The following CDH18 variants were observed in gnomAD, a reference collection of about 807,000 sequenced individuals.
CDH18 encodes the protein cadherin 18.
In CDH18, 31 loss-of-function variants were observed where a neutral mutation model predicts 67.9. That is an observed-to-expected ratio of 0.46 (90% CI 0.34 to 0.62). The LOEUF (loss-of-function observed/expected upper bound fraction) is 0.62, where lower values mean the gene tolerates loss of function less well. Ranked by LOEUF, CDH18 falls within the 20% of genes least tolerant of loss-of-function variation. The pLI, the probability that CDH18 is intolerant of heterozygous loss-of-function variation, is 0.01. For missense variants in CDH18, 890 were observed against 975.5 expected (o/e 0.91, Z 1.17); for synonymous variants, 362 against 347.2 (o/e 1.04, Z -0.48).
At chr5:20,550,673 T>G (rs1421690404) in intron 1 of CDH18, among the ~76,000 whole-genome samples, 2 of 152,224 alleles carry the variant, frequency 1.3e-5, no homozygotes, top group Non-Finnish European at 2.9e-5. Flanking sequence ...GGTTTAGGTT[T>G]AATAAATGTA....
intron 2 of CDH18, among the ~76,000 whole-genome samples, chr5:20,128,822 T>C (rs954990465): frequency 6.6e-6 from 1 of 151,560 alleles, no homozygotes; most frequent in African/African-American, 2.4e-5. Flanking sequence ...ATTTTAAGGA[T>C]TGATAGGACA....
At chr5:19,558,632 G>A (rs1425133871) in intron 8 of CDH18, among the ~76,000 whole-genome samples, 1 of 151,732 alleles carries the variant, frequency 6.6e-6, no homozygotes, top group Non-Finnish European at 1.5e-5. Flanking sequence ...ATAACAAGCA[G>A]TGAGATTGAC....
At chr5:20,325,447 G>C (rs1038005050) in intron 1 of CDH18, among the ~76,000 whole-genome samples, 1 of 152,070 alleles carries the variant, frequency 6.6e-6, no homozygotes, top group African/African-American at 2.4e-5. Context: ...TAATTCAATG[G>C]AATGGCAAAA....
At chr5:20,356,448 A>G (rs954090045) in intron 1 of CDH18, among the ~76,000 whole-genome samples, 2 of 152,180 alleles carry the variant, frequency 1.3e-5, no homozygotes, top group African/African-American at 4.8e-5. Flanking sequence ...TCAAATGCAC[A>G]TGGAAGAAAA....
intron 9 of CDH18, among the ~76,000 whole-genome samples, chr5:19,538,573 C>G (rs1044052711): frequency 1.3e-5 from 2 of 152,000 alleles, no homozygotes; most frequent in Admixed American, 6.6e-5. Context: ...AAATAAATAA[C>G]AAAATAAACG....
intron 2 of CDH18, among the ~76,000 whole-genome samples, chr5:19,880,303 C>T (rs1022490749): frequency 1.3e-5 from 2 of 151,992 alleles, no homozygotes; most frequent in African/African-American, 2.4e-5. Flanking sequence ...TATTAAATTA[C>T]ATTTTATTTA....
At chr5:20,107,546 G>A (rs1392691235) in intron 2 of CDH18, among the ~76,000 whole-genome samples, 1 of 152,048 alleles carries the variant, frequency 6.6e-6, no homozygotes, top group Non-Finnish European at 1.5e-5. Flanking sequence ...AAATTTTCTA[G>A]AGCTGCCATA....
At chr5:20,443,027 G>T (rs1041088950) in intron 1 of CDH18, among the ~76,000 whole-genome samples, 2 of 150,642 alleles carry the variant, frequency 1.3e-5, no homozygotes, top group Admixed American at 1.3e-4. Context: ...GGCTAAAACG[G>T]TGAAACCCCG....
intron 10 of CDH18, among the ~76,000 whole-genome samples, chr5:19,517,007 G>T (rs1460671067): frequency 6.6e-6 from 1 of 152,012 alleles, no homozygotes; most frequent in South Asian, 2.1e-4. Flanking sequence ...CAAAAATGCA[G>T]TTCTGAATTT....
chr5:20,250,431 T>C (rs938565386), intron 2 of CDH18, among the ~76,000 whole-genome samples: 1 of 151,820 alleles, frequency 6.6e-6, no homozygotes, highest in African/African-American at 2.4e-5. Context: ...TAGCTGGGAC[T>C]GCAGGCGCCC....
intron 4 of CDH18, among the ~76,000 whole-genome samples, chr5:19,741,183 C>A (rs36171443): frequency 0.67 from 98,239 of 146,250 alleles, 37,849 homozygotes; most frequent in Non-Finnish European, 0.85. Context: ...GTATATATGT[C>A]ATCTATGTAT....
At chr5:20,485,779 C>T (rs932884601) in intron 1 of CDH18, among the ~76,000 whole-genome samples, 18 of 151,956 alleles carry the variant, frequency 1.2e-4, no homozygotes, top group African/African-American at 4.1e-4. Context: ...ATTTTGGCAA[C>T]AAAAATGGGA....
chr5:20,316,597 T>C (rs1356386247), intron 1 of CDH18, among the ~76,000 whole-genome samples: 2 of 152,076 alleles, frequency 1.3e-5, no homozygotes, highest in Admixed American at 6.6e-5. Context: ...TATGGCTTTG[T>C]AATGAGATAA....
In CDH18 at chr5:19,471,827, T is replaced by C. The variant is rs1475355151; in HGVS notation, c.*1399A>G. ...GTGATAATATTTTATGCCAGATGCA[T>C]GTAAATATATATTTATAAGCTAATG... On this transcript the variant is annotated 3_prime_UTR_variant, in exon 13 of 13. Coordinates refer to ENST00000382275, the MANE Select transcript of CDH18 (RefSeq NM_004934.5). Among the ~76,000 whole-genome samples, 4 of 152,166 alleles carry C rather than the reference T, an allele frequency of 2.6e-5. 1 individual carries two copies. In the South Asian group the frequency reaches 6.2e-4, roughly 24 times the overall value.
At chr5:20,405,679 A>C (rs1335223243) in intron 1 of CDH18, among the ~76,000 whole-genome samples, 2 of 152,168 alleles carry the variant, frequency 1.3e-5, no homozygotes, top group African/African-American at 2.4e-5. Context: ...AATTTTTGCA[A>C]TCTACTCATC....
At chr5:20,390,573 G>A (rs1025577807) in intron 1 of CDH18, among the ~76,000 whole-genome samples, 8 of 152,186 alleles carry the variant, frequency 5.3e-5, no homozygotes, top group Non-Finnish European at 1.0e-4. Flanking sequence ...GTGTAAGACA[G>A]CATGGTGATT....
At chr5:19,870,283 T>G (rs1460727747) in intron 2 of CDH18, among the ~76,000 whole-genome samples, 2 of 152,156 alleles carry the variant, frequency 1.3e-5, no homozygotes, top group African/African-American at 2.4e-5. Flanking sequence ...GGATTCTCAC[T>G]GTCTAAATAC....
At chr5:20,334,373 G>A (rs1361050808) in intron 1 of CDH18, among the ~76,000 whole-genome samples, 2 of 151,334 alleles carry the variant, frequency 1.3e-5, no homozygotes, top group African/African-American at 2.4e-5. Context: ...TCCTGACCTC[G>A]TGATCCGCCC....
intron 1 of CDH18, among the ~76,000 whole-genome samples, chr5:20,447,364 G>C (rs1278285001): frequency 6.6e-6 from 1 of 151,538 alleles, no homozygotes; most frequent in East Asian, 1.9e-4. Context: ...TCATGAATGG[G>C]ATGAAAATCC....
Sources: gnomAD v4.1 joint callset for allele counts (sites outside exome capture counted in the v4.1 genomes callset) on GRCh38, gnomAD v4.1.1 for gene constraint, MANE v1.5 for transcripts, NCBI Gene and HGNC (gene_info 2026-07-23, HGNC 2026-07-21) for gene names.